DICER1: variants seen among roughly 807,000 people sequenced by gnomAD.
The protein encoded by DICER1 is dicer 1, ribonuclease III, also known as endoribonuclease Dicer.
DICER1 carries 43 observed loss-of-function variants against 194.1 expected under a neutral mutation model. The observed-to-expected ratio is 0.22, with a 90% confidence interval of 0.17 to 0.29. DICER1 has a LOEUF of 0.29. Ranked by LOEUF, DICER1 falls within the 10% of genes least tolerant of loss-of-function variation. The pLI is 1.00. For missense variants in DICER1, 1,608 were observed against 2,317.0 expected (o/e 0.69, Z 6.28); for synonymous variants, 832 against 820.5 (o/e 1.01, Z -0.24).
chr14:95,121,366 CA>C (rs1892925433), intron 8 of DICER1, among the ~76,000 whole-genome samples: 2 of 152,102 alleles, frequency 1.3e-5, no homozygotes, highest in Non-Finnish European at 2.9e-5. Flanking sequence ...GAAAAGCTGT[CA>C]AAATCCAAAT....
intron 1 of DICER1, among the ~76,000 whole-genome samples, chr14:95,156,658 G>A (rs1052877699): frequency 6.6e-6 from 1 of 152,232 alleles, no homozygotes; most frequent in Admixed American, 6.5e-5. Context: ...AACATCTGAG[G>A]GGAGAGGCAA....
In DICER1 at chr14:95,108,310, T is replaced by C. The variant is rs767226943; in HGVS notation, c.2436+14A>G. 1 of 1,612,328 alleles carries C rather than the reference T, an allele frequency of 6.2e-7. No individual in the cohort carries two copies. Among genetic ancestry groups the C allele is most frequent in the Non-Finnish European group, 8.5e-7 (1 of 1,178,420 alleles). On this transcript the variant is annotated intron_variant, in intron 15 of 26. Coordinates refer to ENST00000343455, the MANE Select transcript of DICER1 (RefSeq NM_177438.3). ...AGACGTTTTTGACATAAGTACTCAT[T>C]ATGAAATACCTACCTGAGGTATGGG...
intron 1 of DICER1, among the ~76,000 whole-genome samples, chr14:95,134,033 C>G (rs143225299): frequency 6.6e-6 from 1 of 152,020 alleles, no homozygotes; most frequent in African/African-American, 2.4e-5. Context: ...TATTCTATGA[C>G]GTTACTGATA....
intron 10 of DICER1, 137 bp downstream of exon 10, chr14:95,116,316 C>A: frequency 2.7e-6 from 3 of 1,094,854 alleles, no homozygotes; most frequent in Non-Finnish European, 4.0e-6. Context: ...TTACAATGTA[C>A]ACAGAGTACA....
intron 1 of DICER1, among the ~76,000 whole-genome samples, chr14:95,144,795 T>C (rs1451528064): frequency 6.6e-6 from 1 of 152,152 alleles, no homozygotes; most frequent in Non-Finnish European, 1.5e-5. Context: ...TGAAAGCAAT[T>C]AAGAATCAAC....
chr14:95,113,010 A>G (rs1343076823), intron 12 of DICER1, 82 bp downstream of exon 12: 24 of 1,424,374 alleles, frequency 1.7e-5, no homozygotes, highest in Non-Finnish European at 2.3e-5. Flanking sequence ...TTTACCTATA[A>G]CTTGCAAGTC....
intron 22 of DICER1, among the ~76,000 whole-genome samples, chr14:95,098,548 T>A (rs1209527554): frequency 6.9e-6 from 1 of 145,320 alleles, no homozygotes; most frequent in Non-Finnish European, 1.5e-5. Context: ...CTTTGTGTTG[T>A]ATCTTAAAAA....
rs878855272 is a variant in DICER1 at position 95,094,145 on chromosome 14, G to A, written c.5107C>T (p.Arg1703Cys). 3.1e-6 allele frequency: 5 copies of A among 1,614,132 alleles called. 1 individual carries two copies. The highest frequency in any genetic ancestry group is 2.2e-5 in the South Asian group (2 of 91,074). Residue 1703 changes from arginine (R) to cysteine (C), a missense_variant, in exon 24 of 27, where the codon CGC becomes TGC. By Grantham distance (180) the Arg-to-Cys change is radical (BLOSUM62 -3). Transcript: ENST00000343455. ...ATCGCATCTCCCAGGAATTCTAAGC[G>A]CTGGTAACAATCTGAGGGGATCCGA... ...HYNTITDCYQ[R>C]LEFLGDAILD...
intron 22 of DICER1, among the ~76,000 whole-genome samples, chr14:95,099,206 AG>A (rs1890633775): frequency 6.6e-6 from 1 of 152,320 alleles, no homozygotes; most frequent in Non-Finnish European, 1.5e-5. Context: ...CTTCAAGACA[AG>A]ACAAAATGAA....
rs1890336775 is a variant in DICER1, at chr14:95,096,367, A to T, written c.4553T>A (p.Val1518Asp). ...AMCYLDPSKAVEEDDFVVGFW... is the reference protein window; with the variant it reads ...AMCYLDPSKADEEDDFVVGFW... ...CCCCACCACAAAGTCATCTTCTTCAACAGCTTTGCTAGGATCCAGATAGCA... is the reference window on the plus strand; with the variant it reads ...CCCCACCACAAAGTCATCTTCTTCATCAGCTTTGCTAGGATCCAGATAGCA... Residue 1518 changes from valine to aspartate, a missense_variant, in exon 23 of 27, where the codon GTT becomes GAT. Physicochemically the swap from Val to Asp is radical, Grantham distance 152. This residue lies in a region of DICER1 where 164 missense variants were observed against 183.7 expected (regional missense o/e 0.89). Transcript: ENST00000343455. The T allele has an allele frequency of 6.2e-7, 1 of 1,614,186 alleles. No individual in the cohort carries two copies.
chr14:95,112,444 GC>G (rs1339566989), intron 12 of DICER1, among the ~76,000 whole-genome samples, 197 bp from the exon 13 acceptor site: 2 of 152,000 alleles, frequency 1.3e-5, no homozygotes, highest in African/African-American at 4.8e-5. Context: ...TAAAAGTCCT[GC>G]CTAGTAAAAA....
rs1276532169 is a variant in DICER1, at chr14:95,105,522, A to G, written c.3093+156T>C. ...AAATAACATTCAACACATAATACTA[A>G]TTAAAACAAAACAAAACAAAATTTG... is the stretch of plus-strand genomic sequence containing the variant. On this transcript the variant is annotated intron_variant, in intron 19 of 26. Transcript: ENST00000343455. This position sits in a 1 kb window ranked among gnomAD's most constrained non-coding sequence, Gnocchi z 4.9. Among the ~76,000 whole-genome samples, 1 of 152,240 alleles carries G rather than the reference A, an allele frequency of 6.6e-6. No individual in the cohort carries two copies. The highest frequency in any genetic ancestry group is 2.4e-5 in the African/African-American group (1 of 41,462).
At chr14:95,117,350 T>C (rs977989790) in intron 9 of DICER1, among the ~76,000 whole-genome samples, 1 of 152,194 alleles carries the variant, frequency 6.6e-6, no homozygotes, top group Non-Finnish European at 1.5e-5. Context: ...TGAAATGCAG[T>C]TGTGTAACAT....
At chr14:95,116,058 G>GACACAGACAC (rs1555372723) in intron 10 of DICER1, among the ~76,000 whole-genome samples, 10 of 143,034 alleles carry the variant, frequency 7.0e-5, no homozygotes, top group African/African-American at 2.5e-4. Flanking sequence ...TGCCTACACA[G>GACACAGACAC]ACACACACAC....
At chr14:95,127,578 T>C (rs1426275570) in intron 6 of DICER1, among the ~76,000 whole-genome samples, 1 of 152,268 alleles carries the variant, frequency 6.6e-6, no homozygotes, top group Non-Finnish European at 1.5e-5. Flanking sequence ...ATGTTGTGAA[T>C]GAAACAGGTT....
Position 95,091,027 on chromosome 14 carries a change from T to C in DICER1, c.5603+7A>G. 6.2e-7 allele frequency: 1 copy of C among 1,611,816 alleles called. No individual in the cohort carries two copies. Among genetic ancestry groups the C allele is most frequent in the East Asian group, 2.2e-5 (1 of 44,870 alleles). On this transcript the variant is annotated splice_region_variant and intron_variant, in intron 26 of 26. Transcript: ENST00000343455. ...TAATGTTTTTTCCATGTACATTTTT[T>C]GCTTACCTAAATTTGGCAGTTTCTG...
chr14:95,144,180 TG>T (rs1894987481), intron 1 of DICER1, among the ~76,000 whole-genome samples: 1 of 152,190 alleles, frequency 6.6e-6, no homozygotes, highest in Admixed American at 6.5e-5. Flanking sequence ...ATGTATTTAA[TG>T]GACGTATTTG....
chr14:95,123,900 T>C (rs1484263027), intron 8 of DICER1, among the ~76,000 whole-genome samples: 1 of 152,214 alleles, frequency 6.6e-6, no homozygotes, highest in Non-Finnish European at 1.5e-5. Flanking sequence ...TATAAAACAA[T>C]GCTTTACTTA....
intron 24 of DICER1, among the ~76,000 whole-genome samples, chr14:95,092,953 G>A (rs1179685691): frequency 6.6e-6 from 1 of 152,212 alleles, no homozygotes; most frequent in Non-Finnish European, 1.5e-5. Context: ...GCGCGTTAAA[G>A]TAAGAGCAGG....
Sources: allele counts gnomAD v4.1 joint callset (sites outside exome capture counted in the v4.1 genomes callset), GRCh38; gene constraint gnomAD v4.1.1; regional missense constraint gnomAD v4.1.1; non-coding constraint Gnocchi (gnomAD v3.1); transcripts MANE v1.5; gene names NCBI Gene and HGNC (gene_info 2026-07-23, HGNC 2026-07-21).